SLC35D4: variants seen among roughly 807,000 people sequenced by gnomAD.
SLC35D4 encodes UDP-N-acetylglucosamine transporter SLC35D4.
the SLC35D4 span, among the ~76,000 whole-genome samples, chr18:23,300,801 G>C: frequency 7.2e-5 from 11 of 152,232 alleles, no homozygotes; most frequent in Admixed American, 6.5e-4. Flanking sequence ...TCAGATTGCA[G>C]GGCACACATG....
At chr18:23,257,166 G>T in the SLC35D4 span, 1 of 1,583,644 alleles carries the variant, frequency 6.3e-7, no homozygotes. Flanking sequence ...AGCTGCAATT[G>T]CAGAAAGACT....
chr18:23,312,937 C>T, the SLC35D4 span, among the ~76,000 whole-genome samples: 111 of 151,964 alleles, frequency 7.3e-4, no homozygotes, highest in African/African-American at 2.5e-3. Flanking sequence ...ACCATCCTGG[C>T]TAACATGGTG....
At chr18:23,419,512 G>A in the SLC35D4 span, among the ~76,000 whole-genome samples, 4 of 151,954 alleles carry the variant, frequency 2.6e-5, no homozygotes, top group Non-Finnish European at 5.9e-5. Context: ...GGCTGGTCTC[G>A]AACTCCTGAC....
the SLC35D4 span, among the ~76,000 whole-genome samples, chr18:23,388,984 G>GTT: frequency 1.4e-5 from 2 of 142,878 alleles, no homozygotes; most frequent in African/African-American, 5.3e-5. Context: ...CAGTCAAGTA[G>GTT]TTCTTTTTTT....
the SLC35D4 span, among the ~76,000 whole-genome samples, chr18:23,353,120 TGTATGTGA>T: frequency 2.7e-5 from 4 of 145,964 alleles, no homozygotes; most frequent in African/African-American, 7.7e-5. Context: ...TGTGTGTGTG[TGTATGTGA>T]GAGAGAGAGA....
At chr18:23,376,857 G>A in the SLC35D4 span, 1,134 of 456,656 alleles carry the variant, frequency 2.5e-3, 10 homozygotes, top group African/African-American at 0.02. Context: ...GAGCTTTACC[G>A]CCTCTCTTTG....
At chr18:23,265,297 T>C in the SLC35D4 span, among the ~76,000 whole-genome samples, 1 of 152,142 alleles carries the variant, frequency 6.6e-6, no homozygotes, top group Non-Finnish European at 1.5e-5. Flanking sequence ...GGGGCCCTGC[T>C]AGTCCCGGGA....
the SLC35D4 span, among the ~76,000 whole-genome samples, chr18:23,387,930 T>C: frequency 6.6e-6 from 1 of 152,234 alleles, no homozygotes; most frequent in African/African-American, 2.4e-5. Flanking sequence ...TAAAGTTGGC[T>C]TTCTCCATTA....
the SLC35D4 span, among the ~76,000 whole-genome samples, chr18:23,250,714 C>T: frequency 6.6e-6 from 1 of 152,178 alleles, no homozygotes; most frequent in Admixed American, 6.5e-5. Flanking sequence ...AGAATGGCCA[C>T]ATCTGGACCA....
At chr18:23,257,001 G>A in the SLC35D4 span, among the ~76,000 whole-genome samples, 2 of 152,218 alleles carry the variant, frequency 1.3e-5, no homozygotes, top group African/African-American at 2.4e-5. Flanking sequence ...GTCATAAGAT[G>A]TATGTGTGGT....
the SLC35D4 span, among the ~76,000 whole-genome samples, chr18:23,374,554 C>T: frequency 2.0e-5 from 3 of 150,152 alleles, no homozygotes; most frequent in South Asian, 4.2e-4. Flanking sequence ...GGCACGATCT[C>T]GGCTCACCAT....
the SLC35D4 span, among the ~76,000 whole-genome samples, chr18:23,420,501 G>T: frequency 6.6e-6 from 1 of 151,786 alleles, no homozygotes; most frequent in Non-Finnish European, 1.5e-5. Context: ...AGTCTCCCAA[G>T]TAGCAGGAAA....
chr18:23,290,102 G>C, the SLC35D4 span, among the ~76,000 whole-genome samples: 11 of 152,216 alleles, frequency 7.2e-5, no homozygotes, highest in Admixed American at 5.9e-4. Flanking sequence ...GATGCCGCGT[G>C]GGTGAAGCAC....
chr18:23,238,611 A>G, the SLC35D4 span, among the ~76,000 whole-genome samples: 2 of 152,356 alleles, frequency 1.3e-5, no homozygotes, highest in East Asian at 3.9e-4. Context: ...AGTGTTCAAT[A>G]AATGACCAGA....
chr18:23,430,707 T>C, the SLC35D4 span: 1 of 1,589,840 alleles, frequency 6.3e-7, no homozygotes, highest in Non-Finnish European at 8.6e-7. Flanking sequence ...TTACTGGACA[T>C]TTCAAATGAT....
chr18:23,425,179 C>T, the SLC35D4 span, among the ~76,000 whole-genome samples: 1 of 152,162 alleles, frequency 6.6e-6, no homozygotes, highest in Non-Finnish European at 1.5e-5. Context: ...CAGTTCATTG[C>T]AACCTCCACT....
At chr18:23,324,083 A>G in the SLC35D4 span, among the ~76,000 whole-genome samples, 2 of 150,846 alleles carry the variant, frequency 1.3e-5, no homozygotes, top group Non-Finnish European at 2.9e-5. Context: ...ACTCTGTCTC[A>G]AAAGAAAAAA....
At chr18:23,431,722 T>C in the SLC35D4 span, among the ~76,000 whole-genome samples, 1 of 152,220 alleles carries the variant, frequency 6.6e-6, no homozygotes, top group Admixed American at 6.5e-5. Context: ...AATTTCTATT[T>C]CTCTTATGTA....
chr18:23,368,192 C>A, the SLC35D4 span, among the ~76,000 whole-genome samples: 5 of 152,322 alleles, frequency 3.3e-5, no homozygotes, highest in African/African-American at 1.2e-4. Flanking sequence ...CTCTGACTCC[C>A]GGTTGCCAAT....
Sources: gnomAD v4.1 joint callset for allele counts (sites outside exome capture counted in the v4.1 genomes callset) on GRCh38, gnomAD v4.1.1 for gene constraint, MANE v1.5 for transcripts, NCBI Gene and HGNC (gene_info 2026-07-23, HGNC 2026-07-21) for gene names.